Variants in RUNX1T1 observed in about 807,000 individuals in gnomAD.
The protein encoded by RUNX1T1 is protein CBFA2T1.
A neutral mutation model predicts 62.8 loss-of-function variants in RUNX1T1; 4 were observed. The ratio of observed to expected loss-of-function variants is 0.06; its 90% CI spans 0.03 to 0.15. The LOEUF (loss-of-function observed/expected upper bound fraction) is 0.15, where lower values mean the gene tolerates loss of function less well. Ranked by LOEUF, RUNX1T1 falls within the 10% of genes least tolerant of loss-of-function variation. The pLI is 1.00. For missense variants in RUNX1T1, 508 were observed against 754.3 expected (o/e 0.67, Z 3.82); for synonymous variants, 291 against 286.0 (o/e 1.02, Z -0.18).
chr8:91,995,371 A>C (rs1818462701), intron 5 of RUNX1T1, among the ~76,000 whole-genome samples: 1 of 152,186 alleles, frequency 6.6e-6, no homozygotes, highest in South Asian at 2.1e-4. Flanking sequence ...CTAGGGCCTG[A>C]GTCTGTTCTC....
At chr8:92,000,237 T>C (rs1289696885) in intron 5 of RUNX1T1, among the ~76,000 whole-genome samples, 1 of 151,790 alleles carries the variant, frequency 6.6e-6, no homozygotes, top group African/African-American at 2.4e-5. Context: ...ACCCAGGAGG[T>C]GGAGGTTGCA....
downstream of RUNX1T1, chr8:91,956,688 C>T (rs1809439292): frequency 4.4e-6 from 1 of 225,920 alleles, no homozygotes; most frequent in Non-Finnish European, 8.8e-6. Flanking sequence ...GATGCCTAGA[C>T]CCCACCCCCC....
At chr8:92,059,376 T>G (rs1322268374) in intron 1 of RUNX1T1, among the ~76,000 whole-genome samples, 1 of 152,228 alleles carries the variant, frequency 6.6e-6, no homozygotes, top group Non-Finnish European at 1.5e-5. Flanking sequence ...TACTAACAGT[T>G]GTCTGTCCAT....
downstream of RUNX1T1, chr8:91,956,191 A>G (rs1809354155): frequency 4.3e-6 from 1 of 230,636 alleles, no homozygotes; most frequent in African/African-American, 2.2e-5. Context: ...GGCCTCTGCT[A>G]TCTATGCAGC....
At chr8:92,091,124 G>C (rs1836934666) in intron 1 of RUNX1T1, among the ~76,000 whole-genome samples, 1 of 152,094 alleles carries the variant, frequency 6.6e-6, no homozygotes, top group Admixed American at 6.5e-5. Flanking sequence ...TAGATTGCTG[G>C]AGACACAACG....
At chr8:92,002,798 T>C (rs1294171628) in intron 5 of RUNX1T1, among the ~76,000 whole-genome samples, 1 of 152,152 alleles carries the variant, frequency 6.6e-6, no homozygotes, top group African/African-American at 2.4e-5. Flanking sequence ...AGCTCTGCTG[T>C]CAGACAGCTC....
intron 8 of RUNX1T1, among the ~76,000 whole-genome samples, chr8:91,979,483 C>T (rs181956754): frequency 6.2e-4 from 95 of 152,056 alleles, no homozygotes; most frequent in African/African-American, 2.3e-3. Flanking sequence ...GACAGAAGAA[C>T]GTCTATGATA....
At chr8:92,069,806 T>C (rs1309600098) in intron 2 of RUNX1T1, among the ~76,000 whole-genome samples, 3 of 152,220 alleles carry the variant, frequency 2.0e-5, no homozygotes, top group Non-Finnish European at 4.4e-5. Flanking sequence ...TTACTCTATA[T>C]GGAAATTTTT....
intron 5 of RUNX1T1, among the ~76,000 whole-genome samples, chr8:92,002,439 C>G (rs1353583422): frequency 6.6e-6 from 1 of 152,020 alleles, no homozygotes; most frequent in Non-Finnish European, 1.5e-5. Flanking sequence ...CAGTGACAAT[C>G]ATATTTAAGG....
At chr8:91,995,497 T>A (rs560031176) in intron 5 of RUNX1T1, among the ~76,000 whole-genome samples, 1 of 152,276 alleles carries the variant, frequency 6.6e-6, no homozygotes, top group African/African-American at 2.4e-5. Flanking sequence ...TTGTGAAACA[T>A]TAACACTTGC....
At chr8:92,046,763 A>G (rs1829476112) in intron 1 of RUNX1T1, among the ~76,000 whole-genome samples, 1 of 152,214 alleles carries the variant, frequency 6.6e-6, no homozygotes, top group Non-Finnish European at 1.5e-5. Context: ...GCACTAAAAC[A>G]TAGCAGTCAA....
chr8:92,005,096 A>C lies in RUNX1T1; in HGVS notation c.659+20T>G, dbSNP rs1820490278. The C allele has an allele frequency of 9.5e-6, 15 of 1,580,548 alleles. No homozygotes were observed. Among genetic ancestry groups the C allele is most frequent in the Non-Finnish European group, 1.3e-5 (15 of 1,165,500 alleles). On this transcript the variant is annotated intron_variant, in intron 5 of 10. Coordinates refer to ENST00000396218, the Ensembl canonical transcript of RUNX1T1. ...ATGGGAAAAAGGTCATGGTTCATCC[A>C]GGCTCCTCCTCCCTCTCACCTGTCT...
At chr8:91,982,854 A>C (rs755072642) in intron 8 of RUNX1T1, among the ~76,000 whole-genome samples, 1 of 151,836 alleles carries the variant, frequency 6.6e-6, no homozygotes, top group African/African-American at 2.4e-5. Context: ...GTGTATACTC[A>C]GTGTTAAAAA....
upstream of RUNX1T1, chr8:92,063,085 T>C (rs1832335699): frequency 2.3e-6 from 1 of 442,616 alleles, no homozygotes; most frequent in East Asian, 7.2e-5. Context: ...TTCATAGCCA[T>C]AATTGGGAAC....
upstream of RUNX1T1, among the ~76,000 whole-genome samples, chr8:92,100,488 G>A (rs1170030487): frequency 6.6e-6 from 1 of 152,160 alleles, no homozygotes; most frequent in Non-Finnish European, 1.5e-5. Context: ...TATGCACCCA[G>A]TATAAGACTG....
intron 9 of RUNX1T1, among the ~76,000 whole-genome samples, chr8:91,972,775 G>A (rs1813119768): frequency 1.3e-5 from 2 of 152,084 alleles, no homozygotes; most frequent in South Asian, 4.1e-4. Flanking sequence ...GATCAGCAAA[G>A]AGAATTGGTA....
chr8:91,992,544 G>A (rs1162256483), intron 5 of RUNX1T1, among the ~76,000 whole-genome samples: 1 of 152,152 alleles, frequency 6.6e-6, no homozygotes, highest in African/African-American at 2.4e-5. Flanking sequence ...ATCACAGAAA[G>A]TTCTATAGGA....
chr8:91,957,438 G>T, downstream of RUNX1T1: 1 of 231,412 alleles, frequency 4.3e-6, no homozygotes. Context: ...AAAACAGGAG[G>T]AGAGGAAGAG....
At chr8:92,070,599 A>C (rs201166205) in intron 2 of RUNX1T1, among the ~76,000 whole-genome samples, 1 of 132,216 alleles carries the variant, frequency 7.6e-6, no homozygotes, top group East Asian at 1.9e-4. Flanking sequence ...TATATAAAAT[A>C]TTGACATTAC....
Sources: allele counts gnomAD v4.1 joint callset (sites outside exome capture counted in the v4.1 genomes callset), GRCh38; gene constraint gnomAD v4.1.1; transcripts MANE v1.5; gene names NCBI Gene and HGNC (gene_info 2026-07-23, HGNC 2026-07-21).